The following NPTXR variants were observed in gnomAD, a reference collection of about 807,000 sequenced individuals.
NPTXR encodes the protein neuronal pentraxin receptor.
Under a neutral mutation model 32.2 loss-of-function variants are expected in NPTXR, and 12 were observed. That is an observed-to-expected ratio of 0.37 (90% CI 0.24 to 0.60). The LOEUF is 0.60. Among genes scored for constraint, NPTXR ranks in the 20% least tolerant of loss-of-function variants. The pLI, the probability that NPTXR is intolerant of heterozygous loss-of-function variation, is 0.66. For synonymous variants in NPTXR, 323 were observed against 315.8 expected (o/e 1.02, Z -0.24); for missense variants, 612 against 682.9 (o/e 0.90, Z 1.16).
Position 38,826,589 on chromosome 22 carries a change from G to T in NPTXR, c.1009C>A (p.Pro337Thr). The change falls in exon 3 of 5, where the codon CCC (proline) becomes ACC (threonine). Residue 337 changes from proline (P) to threonine (T), a missense_variant. Transcript: ENST00000333039. ...TGCCCGGGCACTGAGTAGGAGAAGG[G>T]GGTGCCCTGGCCGGTGCCGCTGGAC... 6.2e-7 allele frequency: 1 copy of T among 1,614,248 alleles called. No individual in the cohort carries two copies. The highest frequency in any genetic ancestry group is 8.5e-7 in the Non-Finnish European group (1 of 1,180,046).
Position 38,828,312 on chromosome 22 carries a change from C to T in NPTXR, c.825G>A (p.Gln275=). The change falls in exon 2 of 5, where the codon CAG becomes CAA. Residue 275 remains glutamine, a synonymous_variant. Transcript: ENST00000333039. ...CGTGCTCCAGCTCAGCCACACGACC[C>T]TGCAGGACGTCCAACTCCTTTTCCA... 1 of 1,613,608 alleles carries T rather than the reference C, an allele frequency of 6.2e-7. No homozygotes were observed. Among genetic ancestry groups the T allele is most frequent in the Non-Finnish European group, 8.5e-7 (1 of 1,180,038 alleles).
chr22:38,825,017 G>A lies in NPTXR; in HGVS notation c.1098+1483C>T, dbSNP rs1467986312. On this transcript the variant is annotated intron_variant, in intron 3 of 4. Coordinates refer to ENST00000333039, the MANE Select transcript of NPTXR (RefSeq NM_014293.4). ...ATATGTGGTATCTGCATTTCCAGGG[G>A]GGTCTCAATAGACCACCATGCCTGC... Among the ~76,000 whole-genome samples, 55 of 152,308 alleles carry A rather than the reference G, an allele frequency of 3.6e-4. 1 individual carries two copies. The highest frequency in any genetic ancestry group is 2.2e-4 in the Non-Finnish European group (15 of 68,024).
At chr22:38,830,749 G>A (rs1042999455) in intron 1 of NPTXR, among the ~76,000 whole-genome samples, 1 of 152,160 alleles carries the variant, frequency 6.6e-6, no homozygotes, top group African/African-American at 2.4e-5. Context: ...CAGTGGGAGG[G>A]GCTGAGGATC....
chr22:38,823,555 C>T (rs1439873380), intron 3 of NPTXR, among the ~76,000 whole-genome samples: 1 of 152,264 alleles, frequency 6.6e-6, no homozygotes. Flanking sequence ...AGGGATGTCT[C>T]ATAATCCCAA....
At chr22:38,828,211 A>C in intron 2 of NPTXR, 76 bp downstream of exon 2, 1 of 1,199,248 alleles carries the variant, frequency 8.3e-7, no homozygotes. Flanking sequence ...GCCTCCGGGG[A>C]GCATGGATAT....
intron 3 of NPTXR, 152 bp downstream of exon 3, chr22:38,826,348 C>T (rs2093106537): frequency 1.0e-6 from 1 of 974,050 alleles, no homozygotes; most frequent in Non-Finnish European, 1.5e-6. Context: ...TTTATATTCC[C>T]AGAGCCCAGC....
At chr22:38,838,647 T>A (rs1442174576) in intron 1 of NPTXR, among the ~76,000 whole-genome samples, 1 of 148,350 alleles carries the variant, frequency 6.7e-6, no homozygotes, top group Admixed American at 6.9e-5. Context: ...AGTGGCAAGA[T>A]CTCGGCTCAC....
Position 38,843,590 on chromosome 22 carries a change from A to T in NPTXR, c.269T>A (p.Leu90Gln). The T allele has an allele frequency of 8.3e-7, 1 of 1,198,334 alleles. No homozygotes were observed. Among genetic ancestry groups the T allele is most frequent in the Non-Finnish European group, 1.0e-6 (1 of 967,034 alleles). 74.2% of individuals were successfully genotyped at this position (1,198,334 alleles called of 1,614,324 possible). Residue 90 changes from leucine (L) to glutamine (Q), a missense_variant, in exon 1 of 5, where the codon CTG becomes CAG. Coordinates refer to ENST00000333039, the MANE Select transcript of NPTXR (RefSeq NM_014293.4). The surrounding 1 kb of genome is among the most constrained non-coding windows in gnomAD (Gnocchi z 5.3). The stretch of plus-strand genomic sequence containing the variant: ...CGGCGTGCACAGGAAGCGGCTGAAC[A>T]GGGGCCCGGGCGGCAGCGGGTGCGC...
intron 1 of NPTXR, among the ~76,000 whole-genome samples, chr22:38,833,262 G>C (rs747879500): frequency 6.6e-6 from 1 of 152,188 alleles, no homozygotes; most frequent in Admixed American, 6.5e-5. Context: ...GTTTTGCAAC[G>C]GTGGGAGTTT....
intron 4 of NPTXR, 98 bp downstream of exon 4, chr22:38,822,985 G>T: frequency 1.3e-6 from 2 of 1,518,804 alleles, no homozygotes; most frequent in Non-Finnish European, 1.8e-6. Context: ...CCACCTTCAA[G>T]ATTCTAGTTC....
At position 38,821,262 on chromosome 22, in the gene NPTXR, T is replaced by C. The variant is rs1024793396; in HGVS notation, c.*1347A>G. On this transcript the variant is annotated 3_prime_UTR_variant, in exon 5 of 5. Coordinates refer to ENST00000333039, the MANE Select transcript of NPTXR (RefSeq NM_014293.4). ...ATGACTCAAGGGGACCAGGAAGCCA[T>C]CAGCCCTTTGAGACACTCTCAGACA... The C allele has an allele frequency of 4.6e-5, 7 of 152,344 alleles. No homozygotes were observed. Among genetic ancestry groups the C allele is most frequent in the African/African-American group, 1.4e-4 (6 of 41,444 alleles). 9.4% of individuals were successfully genotyped at this position (152,344 alleles called of 1,614,324 possible).
At chr22:38,825,640 C>T (rs1000387207) in intron 3 of NPTXR, among the ~76,000 whole-genome samples, 6 of 152,030 alleles carry the variant, frequency 3.9e-5, no homozygotes, top group African/African-American at 9.7e-5. Flanking sequence ...AGTCTGAGGT[C>T]ACACAATGGT....
chr22:38,832,565 T>G (rs772609610), intron 1 of NPTXR, among the ~76,000 whole-genome samples: 1 of 152,228 alleles, frequency 6.6e-6, no homozygotes, highest in Non-Finnish European at 1.5e-5. Flanking sequence ...CATCGAGCAC[T>G]CGCTGCATGC....
In NPTXR at chr22:38,828,418, C is replaced by T; in HGVS notation, c.719G>A (p.Gly240Glu). The T allele has an allele frequency of 6.2e-7, 1 of 1,612,706 alleles. No individual in the cohort carries two copies. Among genetic ancestry groups the T allele is most frequent in the African/African-American group, 1.3e-5 (1 of 75,046 alleles). Residue 240 changes from glycine to glutamate, a missense_variant, in exon 2 of 5, where the codon GGG becomes GAG. Transcript: ENST00000333039. ...TGCCAGCACCTGGGCCAGCAGCTGCCCCTCCAGCTGGTCCATCTTGGAGTG... is the reference window on the plus strand; with the variant it reads ...TGCCAGCACCTGGGCCAGCAGCTGCTCCTCCAGCTGGTCCATCTTGGAGTG...
chr22:38,830,487 C>G (rs2093114437), intron 1 of NPTXR, among the ~76,000 whole-genome samples: 1 of 152,170 alleles, frequency 6.6e-6, no homozygotes, highest in Admixed American at 6.5e-5. Flanking sequence ...GGCAGGAAAA[C>G]TAGGGTGAGT....
rs954499712 is a variant in NPTXR, at chr22:38,819,846, C to T, written c.*2763G>A. 1 of 152,648 alleles carries T rather than the reference C, an allele frequency of 6.6e-6. No homozygotes were observed. Among genetic ancestry groups the T allele is most frequent in the African/African-American group, 2.4e-5 (1 of 41,424 alleles). The allele number at this position is 152,648 out of a possible 1,614,324, so 9.5% of individuals were successfully genotyped here. A position where few individuals can be genotyped will look rare whatever the true frequency, so the allele number is the denominator to read the frequency against. On this transcript the variant is annotated 3_prime_UTR_variant, in exon 5 of 5. Transcript: ENST00000333039. ...CAGCAGAAGATAGGAAAAGCGGGAC[C>T]CAAACAGTGGTGCTGGGGAAATTTG...
Position 38,828,327 on chromosome 22 carries a change from C to A in NPTXR, c.810G>T (p.Glu270Asp), listed in dbSNP as rs1568984675. Residue 270 changes from glutamate (E) to aspartate (D), a missense_variant, in exon 2 of 5, where the codon GAG (glutamate) becomes GAT (aspartate). Coordinates refer to ENST00000333039, the MANE Select transcript of NPTXR (RefSeq NM_014293.4). ...CCACACGACCCTGCAGGACGTCCAA[C>A]TCCTTTTCCACTTCCTGCCTCTGCC... 1.2e-6 allele frequency: 2 copies of A among 1,613,664 alleles called. No homozygotes were observed. Among genetic ancestry groups the A allele is most frequent in the African/African-American group, 1.3e-5 (1 of 75,072 alleles).
At chr22:38,824,559 G>A (rs991342163) in intron 3 of NPTXR, among the ~76,000 whole-genome samples, 1 of 152,186 alleles carries the variant, frequency 6.6e-6, no homozygotes, top group African/African-American at 2.4e-5. Flanking sequence ...CCATTGCTAG[G>A]CAAAACAAGT....
chr22:38,826,366 A>G (rs1231781050), intron 3 of NPTXR, 134 bp downstream of exon 3: 1 of 1,112,360 alleles, frequency 9.0e-7, no homozygotes, highest in East Asian at 2.4e-5. Context: ...AGCCTAGCAC[A>G]CGGTAGGTAC....
Sources: allele counts gnomAD v4.1 joint callset (sites outside exome capture counted in the v4.1 genomes callset), GRCh38; gene constraint gnomAD v4.1.1; non-coding constraint Gnocchi (gnomAD v3.1); transcripts MANE v1.5; gene names NCBI Gene and HGNC (gene_info 2026-07-23, HGNC 2026-07-21).